UGDH: variants seen among roughly 807,000 people sequenced by gnomAD.
UGDH encodes UDP-glucose 6-dehydrogenase, also known as UDP-Glc dehydrogenase.
In UGDH, 38 loss-of-function variants were observed where a neutral mutation model predicts 50.6. That is an observed-to-expected ratio of 0.75 (90% CI 0.58 to 0.98). The LOEUF is 0.98. Ranked by LOEUF, UGDH falls within the 50% of genes least tolerant of loss-of-function variation. The pLI is 0.00. For synonymous variants in UGDH, 168 were observed against 199.9 expected, an observed-to-expected ratio of 0.84 and a Z score of 1.35; for missense variants, 465 against 606.2, an observed-to-expected ratio of 0.77 and a Z score of 2.45.
chr4:39,512,314 T>C (rs1053243536), intron 3 of UGDH, among the ~76,000 whole-genome samples: 2 of 152,110 alleles, frequency 1.3e-5, no homozygotes, highest in Non-Finnish European at 2.9e-5. Flanking sequence ...AATAAAGGAA[T>C]CAAGTGAAAA....
chr4:39,509,640 A>G (rs1746155730), intron 6 of UGDH, 120 bp downstream of exon 6: 3 of 1,148,170 alleles, frequency 2.6e-6, no homozygotes, highest in Middle Eastern at 2.6e-4. Context: ...AGAAAATAAC[A>G]GCATCTACCT....
At chr4:39,518,706 C>T (rs1037073034) in intron 2 of UGDH, among the ~76,000 whole-genome samples, 10 of 151,690 alleles carry the variant, frequency 6.6e-5, no homozygotes, top group Non-Finnish European at 8.8e-5. Context: ...GCAATCCTCT[C>T]GCCCGGCCTC....
intron 1 of UGDH, chr4:39,526,915 G>A (rs1746922570): frequency 2.4e-6 from 2 of 819,580 alleles, no homozygotes; most frequent in East Asian, 6.3e-5. Flanking sequence ...AAAAGACTAC[G>A]ACTCTGCGGC....
intron 7 of UGDH, 63 bp downstream of exon 7, chr4:39,508,503 C>A: frequency 1.3e-6 from 2 of 1,503,908 alleles, no homozygotes; most frequent in Non-Finnish European, 1.8e-6. Flanking sequence ...TAAAGTGCTG[C>A]GATTACAGGT....
chr4:39,527,151 G>T (rs911457445), intron 1 of UGDH, 132 bp downstream of exon 1: 3 of 1,283,630 alleles, frequency 2.3e-6, no homozygotes, highest in South Asian at 1.2e-5. Flanking sequence ...GTCGTGAGAC[G>T]GGAAGCCCGG....
rs1481336563 is a variant in UGDH at position 39,521,529 on chromosome 4, A to G, written c.-7-10T>C. The G allele has an allele frequency of 1.9e-6, 3 of 1,575,830 alleles. No homozygotes were observed. Among genetic ancestry groups the G allele is most frequent in the African/African-American group, 2.7e-5 (2 of 73,684 alleles). On this transcript the variant is annotated splice_polypyrimidine_tract_variant and intron_variant, in intron 1 of 11. Transcript: ENST00000316423. ...TTCAAACATGATTGTACTAGAAGGA[A>G]AACAGTAAGACTGTTCTAGTATTGA...
rs1745706614 is a variant in UGDH at position 39,499,515 on chromosome 4, T to C, written c.*628A>G. On this transcript the variant is annotated 3_prime_UTR_variant, in exon 12 of 12. Transcript: ENST00000316423. ...TAATGTGATATTAAAGTGTGGCCTA[T>C]GGACAATTTATAAAGTAAAGAGTTT... 6.6e-6 allele frequency: 1 copy of C among 152,172 alleles called. No individual in the cohort carries two copies. Among genetic ancestry groups the C allele is most frequent in the Non-Finnish European group, 1.5e-5 (1 of 68,036 alleles). 9.4% of individuals were successfully genotyped at this position (152,172 alleles called of 1,614,324 possible).
At chr4:39,513,510 T>G (rs781158794) in intron 3 of UGDH, among the ~76,000 whole-genome samples, 15 of 150,928 alleles carry the variant, frequency 9.9e-5, no homozygotes, top group Non-Finnish European at 2.1e-4. Context: ...TGTGCTCTCA[T>G]GTTACCAGCA....
At chr4:39,521,694 TG>T in intron 1 of UGDH, 175 bp from the exon 2 acceptor site, 1 of 510,930 alleles carries the variant, frequency 2.0e-6, no homozygotes, top group East Asian at 3.5e-5. Context: ...ACATTCCAAT[TG>T]GATGACCTAG....
Position 39,509,912 on chromosome 4 carries a change from A to G in UGDH, c.664-5T>C. 6.7e-7 allele frequency: 1 copy of G among 1,502,206 alleles called. No homozygotes were observed. The allele number at this position is 1,502,206 out of a possible 1,614,324, so 93.1% of individuals were successfully genotyped here. A position where few individuals can be genotyped will look rare whatever the true frequency, so the allele number is the denominator to read the frequency against. On this transcript the variant is annotated splice_polypyrimidine_tract_variant and splice_region_variant and intron_variant, in intron 5 of 11. Coordinates refer to ENST00000316423, the MANE Select transcript of UGDH (RefSeq NM_003359.4). ...GGCAAGAAAAGCATTTGCTGCCTTAAAAAAAAAAAACATAGAGAAGAGTAA... is the reference window on the plus strand; with the variant it reads ...GGCAAGAAAAGCATTTGCTGCCTTAGAAAAAAAAAACATAGAGAAGAGTAA...
At chr4:39,507,202 A>G (rs1746063098) in intron 7 of UGDH, among the ~76,000 whole-genome samples, 1 of 152,204 alleles carries the variant, frequency 6.6e-6, no homozygotes, top group African/African-American at 2.4e-5. Flanking sequence ...ATTAAATGAG[A>G]TACTGTATGC....
intron 3 of UGDH, among the ~76,000 whole-genome samples, chr4:39,512,246 A>C (rs567398180): frequency 6.6e-6 from 1 of 152,350 alleles, no homozygotes; most frequent in East Asian, 1.9e-4. Context: ...TTTTTGAACT[A>C]ATAGTAAGTA....
At chr4:39,521,292 G>A in intron 2 of UGDH, 59 bp downstream of exon 2, 1 of 1,433,026 alleles carries the variant, frequency 7.0e-7, no homozygotes, top group Non-Finnish European at 9.3e-7. Context: ...GCATATAAAT[G>A]ATATAATAAA....
intron 7 of UGDH, 45 bp from the exon 8 acceptor site, chr4:39,505,793 A>G (rs767211912): frequency 1.3e-6 from 2 of 1,555,060 alleles, no homozygotes; most frequent in Non-Finnish European, 1.7e-6. Flanking sequence ...TAAAAGAGGC[A>G]CAGCCTATGA....
chr4:39,501,051 G>A (rs530923632), intron 11 of UGDH, among the ~76,000 whole-genome samples: 2 of 151,404 alleles, frequency 1.3e-5, no homozygotes, highest in East Asian at 3.9e-4. Flanking sequence ...TGCAACCTCT[G>A]CCTCGCAGGT....
rs4453941 is a variant in UGDH, at chr4:39,527,356, C to T, written c.-81G>A. On this transcript the variant is annotated 5_prime_UTR_variant, in exon 1 of 12. Coordinates refer to ENST00000316423, the MANE Select transcript of UGDH (RefSeq NM_003359.4). Reference sequence around the variant, plus strand: ...GACAGCACCTTCCTACGGGCCGCGCCGCCGCAGCTTCTCCACCCGCGCCCC... The same window carrying T: ...GACAGCACCTTCCTACGGGCCGCGCTGCCGCAGCTTCTCCACCCGCGCCCC... 0.62 allele frequency: 146,151 copies of T among 233,998 alleles called. 46,471 individuals are homozygous for T. The highest frequency in any genetic ancestry group is 0.76 in the East Asian group (6,098 of 8,054). 14.5% of individuals were successfully genotyped at this position (233,998 alleles called of 1,614,324 possible).
At chr4:39,521,590 A>C in intron 1 of UGDH, 71 bp from the exon 2 acceptor site, 2 of 1,235,326 alleles carry the variant, frequency 1.6e-6, no homozygotes, top group Non-Finnish European at 2.1e-6. Flanking sequence ...TTGTACATTA[A>C]TTATACTTTA....
intron 11 of UGDH, among the ~76,000 whole-genome samples, chr4:39,501,373 A>G (rs1745808621): frequency 6.6e-6 from 1 of 150,728 alleles, no homozygotes; most frequent in African/African-American, 2.4e-5. Context: ...CTCCCGGTTC[A>G]CACCATTCTC....
intron 7 of UGDH, among the ~76,000 whole-genome samples, chr4:39,506,400 C>A (rs1746027350): frequency 6.6e-6 from 1 of 152,118 alleles, no homozygotes; most frequent in African/African-American, 2.4e-5. Flanking sequence ...CATAGGAAAC[C>A]ATACTATCCT....
Sources: allele counts gnomAD v4.1 joint callset (sites outside exome capture counted in the v4.1 genomes callset), GRCh38; gene constraint gnomAD v4.1.1; transcripts MANE v1.5; gene names NCBI Gene and HGNC (gene_info 2026-07-23, HGNC 2026-07-21).